MYO3A: variants seen among roughly 807,000 people sequenced by gnomAD.
MYO3A encodes the protein myosin IIIA.
Under a neutral mutation model 192.7 loss-of-function variants are expected in MYO3A, and 180 were observed. The observed-to-expected ratio is 0.93, with a 90% CI of 0.83 to 1.06. The LOEUF (loss-of-function observed/expected upper bound fraction) is 1.06. Ranked by LOEUF, MYO3A falls within the 50% of genes least tolerant of loss-of-function variation. The pLI, the probability that MYO3A is intolerant of heterozygous loss-of-function variation, is 0.00. For synonymous variants in MYO3A, 628 were observed against 645.3 expected, an observed-to-expected ratio of 0.97 and a Z score of 0.41; for missense variants, 1,896 against 1,905.0, an observed-to-expected ratio of 1.00 and a Z score of 0.09.
chr10:26,021,973 C>T, intron 8 of MYO3A: 2 of 280,206 alleles, frequency 7.1e-6, no homozygotes, highest in East Asian at 1.6e-4. Context: ...ATAGCCTGTG[C>T]AAGTGTTTTG....
chr10:25,989,085 A>G (rs770086019), intron 4 of MYO3A, among the ~76,000 whole-genome samples: 6 of 151,430 alleles, frequency 4.0e-5, no homozygotes, highest in African/African-American at 1.2e-4. Flanking sequence ...AACCTCAGCT[A>G]TGTGCCACTA....
chr10:26,129,976 T>A (rs11816461), intron 20 of MYO3A, among the ~76,000 whole-genome samples: 14,800 of 152,288 alleles, frequency 0.097, 792 homozygotes, highest in Non-Finnish European at 0.12. Context: ...ATGTGATGAA[T>A]TAGTGACTTG....
intron 6 of MYO3A, among the ~76,000 whole-genome samples, chr10:26,006,110 G>A (rs540977518): frequency 4.0e-5 from 6 of 151,714 alleles, no homozygotes; most frequent in Admixed American, 1.3e-4. Flanking sequence ...TAGTTGTAAG[G>A]ACTAGATGCC....
rs927432361 is a variant in MYO3A, at chr10:26,008,708, T to C, written c.509-8112T>C. 6.6e-5 allele frequency among the ~76,000 whole-genome samples: 10 copies of C among 151,552 alleles called. 1 individual carries two copies. The highest frequency in any genetic ancestry group is 7.4e-5 in the Non-Finnish European group (5 of 67,810). On this transcript the variant is annotated intron_variant, in intron 6 of 34. Coordinates refer to ENST00000642920, the MANE Select transcript of MYO3A (RefSeq NM_017433.5). ...ATCTCACACCAGTTAGAATGGCAAT[T>C]GTTAAAAAGTCAGGAAACAACAGGT...
At chr10:26,030,444 G>C (rs1384280109) in intron 10 of MYO3A, among the ~76,000 whole-genome samples, 5 of 152,042 alleles carry the variant, frequency 3.3e-5, no homozygotes, top group Non-Finnish European at 7.4e-5. Context: ...TAGTTCAAAG[G>C]AGGAGGGAAG....
At chr10:26,104,382 G>C (rs1459791698) in intron 17 of MYO3A, among the ~76,000 whole-genome samples, 1 of 152,076 alleles carries the variant, frequency 6.6e-6, no homozygotes, top group East Asian at 1.9e-4. Context: ...TTGTGAAGTA[G>C]GGATCCAGCT....
At chr10:26,040,887 C>G (rs1843309052) in intron 10 of MYO3A, among the ~76,000 whole-genome samples, 1 of 152,022 alleles carries the variant, frequency 6.6e-6, no homozygotes, top group Admixed American at 6.6e-5. Flanking sequence ...GATGAATGTT[C>G]TATAAATATG....
At chr10:26,054,039 T>C (rs1844170217) in intron 10 of MYO3A, among the ~76,000 whole-genome samples, 1 of 151,932 alleles carries the variant, frequency 6.6e-6, no homozygotes, top group Non-Finnish European at 1.5e-5. Flanking sequence ...CCAAGAGGGA[T>C]CGAGAAAGCT....
intron 31 of MYO3A, among the ~76,000 whole-genome samples, chr10:26,191,120 A>G (rs1843105172): frequency 6.6e-6 from 1 of 152,224 alleles, no homozygotes; most frequent in Non-Finnish European, 1.5e-5. Context: ...AACTTATACC[A>G]TATTTTTATG....
chr10:26,176,473 C>T (rs778790491), intron 30 of MYO3A, among the ~76,000 whole-genome samples: 10 of 152,108 alleles, frequency 6.6e-5, no homozygotes, highest in Non-Finnish European at 1.5e-4. Flanking sequence ...GCATGACGTG[C>T]TTGGCAGTTT....
In MYO3A at chr10:26,077,233, G is replaced by GTTTTTTTTTTTTTTTTTTTTTTTTTT. The variant is rs34464120; in HGVS notation, c.1359+6854_1359+6855insTTTTTTTTTTTTTTTTTTTTTTTTTT. ...CTCCTTGGTTAGGTATATTCCTAAG[G>GTTTTTTTTTTTTTTTTTTTTTTTTTT]TTTTTTTTTTTTTTTTTTTTTTGCA... is the stretch of plus-strand genomic sequence containing the variant. On this transcript the variant is annotated intron_variant, in intron 14 of 34. Coordinates refer to ENST00000642920, the MANE Select transcript of MYO3A (RefSeq NM_017433.5). 7.4e-4 allele frequency among the ~76,000 whole-genome samples: 27 copies of GTTTTTTTTTTTTTTTTTTTTTTTTTT among 36,294 alleles called. 6 individuals carry two copies. The highest frequency in any genetic ancestry group is 1.2e-3 in the Non-Finnish European group (23 of 19,038). The allele number at this position is 36,294 out of a possible 152,430, so 23.8% of individuals were successfully genotyped here. A position where few individuals can be genotyped will look rare whatever the true frequency, so the allele number is the denominator to read the frequency against.
intron 17 of MYO3A, among the ~76,000 whole-genome samples, chr10:26,110,969 G>C (rs1838142415): frequency 6.7e-6 from 1 of 148,926 alleles, no homozygotes; most frequent in African/African-American, 2.5e-5. Flanking sequence ...AGCTCAATCT[G>C]TCCTCCCACT....
chr10:26,035,290 C>G (rs1382696096), intron 10 of MYO3A, among the ~76,000 whole-genome samples: 1 of 152,094 alleles, frequency 6.6e-6, no homozygotes, highest in Non-Finnish European at 1.5e-5. Context: ...AACGTGGTCT[C>G]CAGGAATTTT....
intron 22 of MYO3A, 102 bp from the exon 23 acceptor site, chr10:26,147,328 G>T (rs1840529134): frequency 8.9e-6 from 11 of 1,238,462 alleles, no homozygotes; most frequent in Non-Finnish European, 1.1e-5. Flanking sequence ...TGAACATAGA[G>T]TAAGCTCATA....
At chr10:26,023,952 C>A in intron 8 of MYO3A, 70 bp from the exon 9 acceptor site, 1 of 1,364,990 alleles carries the variant, frequency 7.3e-7, no homozygotes, top group Non-Finnish European at 1.0e-6. Flanking sequence ...ATTAGTCTAT[C>A]TGGCTCTGCC....
intron 24 of MYO3A, among the ~76,000 whole-genome samples, chr10:26,154,279 T>C (rs567457626): frequency 2.0e-4 from 31 of 152,270 alleles, no homozygotes; most frequent in African/African-American, 6.7e-4. Flanking sequence ...CCTCCCAGGC[T>C]CAAGTGATTC....
chr10:26,186,242 A>G (rs1333731607), intron 31 of MYO3A, among the ~76,000 whole-genome samples: 1 of 150,556 alleles, frequency 6.6e-6, no homozygotes, highest in African/African-American at 2.4e-5. Context: ...TTGTCCTGAC[A>G]TCCTGTCCAT....
At chr10:26,178,576 G>A (rs1360206974) in intron 31 of MYO3A, among the ~76,000 whole-genome samples, 1 of 150,234 alleles carries the variant, frequency 6.7e-6, no homozygotes, top group Admixed American at 6.6e-5. Flanking sequence ...GCAAAAAGAA[G>A]AAAAAGAACA....
chr10:26,108,610 C>A (rs148899397), intron 17 of MYO3A, among the ~76,000 whole-genome samples: 249 of 152,232 alleles, frequency 1.6e-3, no homozygotes, highest in African/African-American at 5.9e-3. Context: ...ACTTTAGTTC[C>A]ATGATCATCT....
Sources: allele counts gnomAD v4.1 joint callset (sites outside exome capture counted in the v4.1 genomes callset), GRCh38; gene constraint gnomAD v4.1.1; transcripts MANE v1.5; gene names NCBI Gene and HGNC (gene_info 2026-07-23, HGNC 2026-07-21).